TIAM2: variants seen among roughly 807,000 people sequenced by gnomAD.
TIAM2 encodes the protein TIAM Rac1 associated GEF 2.
In TIAM2, 80 loss-of-function variants were observed where a neutral mutation model predicts 152.9. The ratio of observed to expected loss-of-function variants is 0.52; its 90% CI spans 0.44 to 0.63. The LOEUF is 0.63. TIAM2 is among the 30% of genes least tolerant of loss of function. The pLI, the probability that TIAM2 is intolerant of heterozygous loss-of-function variation, is 0.00. For synonymous variants in TIAM2, 804 were observed against 838.0 expected (o/e 0.96, Z 0.70); for missense variants, 1,965 against 2,120.1 (o/e 0.93, Z 1.44).
intron 15 of TIAM2, among the ~76,000 whole-genome samples, chr6:155,221,100 C>T (rs796854235): frequency 4.3e-4 from 54 of 124,374 alleles, no homozygotes; most frequent in African/African-American, 1.7e-3. Flanking sequence ...AGACTTTTCT[C>T]TTTCATCTTG....
chr6:155,149,503 G>T (rs1398927296), intron 7 of TIAM2, among the ~76,000 whole-genome samples: 1 of 152,202 alleles, frequency 6.6e-6, no homozygotes, highest in East Asian at 1.9e-4. Context: ...TTTAGACATA[G>T]TGTGACTTAT....
At chr6:155,114,833 T>A (rs1778972198) in intron 2 of TIAM2, among the ~76,000 whole-genome samples, 1 of 152,140 alleles carries the variant, frequency 6.6e-6, no homozygotes, top group African/African-American at 2.4e-5. Flanking sequence ...TTAAATTTAA[T>A]TTTAATTTTT....
At chr6:155,000,722 C>T (rs1340903042) in intron 1 of TIAM2, among the ~76,000 whole-genome samples, 2 of 152,144 alleles carry the variant, frequency 1.3e-5, no homozygotes, top group African/African-American at 2.4e-5. Context: ...CCTTGGCTTA[C>T]GCCTATAATC....
Position 155,049,918 on chromosome 6 carries a change from T to G in TIAM2, c.-208-40371T>G, listed in dbSNP as rs574320823. On this transcript the variant is annotated intron_variant, in intron 1 of 26. Transcript: ENST00000682666. The stretch of plus-strand genomic sequence containing the variant: ...AGTTGGATAAAAGCTGAGTAGTTAT[T>G]GATAGTCTTGGCAGTAGGACTTTTG... Among the ~76,000 whole-genome samples the G allele has an allele frequency of 1.9e-3, 282 of 152,278 alleles. 1 individual carries two copies. Among genetic ancestry groups the G allele is most frequent in the African/African-American group, 6.4e-3 (265 of 41,554 alleles).
chr6:155,057,541 CTTT>C (rs71023613), intron 1 of TIAM2, among the ~76,000 whole-genome samples: 279 of 80,036 alleles, frequency 3.5e-3, no homozygotes, highest in African/African-American at 5.1e-3. Flanking sequence ...CCATAATGTA[CTTT>C]TTTTTTTTTT....
At chr6:155,046,000 C>A (rs986785124) in intron 1 of TIAM2, among the ~76,000 whole-genome samples, 2 of 151,786 alleles carry the variant, frequency 1.3e-5, no homozygotes, top group African/African-American at 4.8e-5. Flanking sequence ...GGGCAGGGCT[C>A]CTCCTGCTTG....
intron 9 of TIAM2, 126 bp from the exon 10 acceptor site, chr6:155,176,690 G>A: frequency 1.0e-6 from 1 of 958,378 alleles, no homozygotes; most frequent in Non-Finnish European, 1.5e-6. Context: ...GCTGTGAGAA[G>A]CCAGTGATGT....
chr6:155,008,683 C>T (rs967277733), intron 1 of TIAM2, among the ~76,000 whole-genome samples: 4 of 152,170 alleles, frequency 2.6e-5, no homozygotes, highest in Non-Finnish European at 4.4e-5. Flanking sequence ...TTCTCAGCAT[C>T]ACTCAGTTCT....
At chr6:155,004,754 T>G (rs1029396557) in intron 1 of TIAM2, 1 of 152,364 alleles carries the variant, frequency 6.6e-6, no homozygotes, top group Non-Finnish European at 1.5e-5. Context: ...TATTTTGAGC[T>G]TAGCTGTAGG....
rs577639765 is a variant in TIAM2 at position 155,029,656 on chromosome 6, G to T, written c.-209+34164G>T. ...ATATATAGTTATATAACTATATATA[G>T]AGTTATATAACTATATACAGAGTTA... On this transcript the variant is annotated intron_variant, in intron 1 of 26. Transcript: ENST00000682666. 1.7e-3 allele frequency among the ~76,000 whole-genome samples: 181 copies of T among 105,824 alleles called. 1 individual carries two copies. The highest frequency in any genetic ancestry group is 5.5e-3 in the African/African-American group (162 of 29,508). 69.4% of individuals were successfully genotyped at this position (105,824 alleles called of 152,430 possible).
chr6:155,196,257 A>C (rs1375836831), intron 14 of TIAM2, among the ~76,000 whole-genome samples: 2 of 152,204 alleles, frequency 1.3e-5, no homozygotes, highest in African/African-American at 2.4e-5. Context: ...TGGAGTTTCC[A>C]TCAGTTAAAA....
In TIAM2 at chr6:155,129,945, G is replaced by C; in HGVS notation, c.722G>C (p.Ser241Thr). 1 of 1,614,042 alleles carries C rather than the reference G, an allele frequency of 6.2e-7. No individual in the cohort carries two copies. The highest frequency in any genetic ancestry group is 8.5e-7 in the Non-Finnish European group (1 of 1,180,032). Reference sequence around the variant, plus strand: ...TCTCGCCTGCGGTCCAGCAAAGGCAGCTCCCTGAGTTCTGAGTCATCCTGG... The same window carrying C: ...TCTCGCCTGCGGTCCAGCAAAGGCACCTCCCTGAGTTCTGAGTCATCCTGG... Reference protein sequence around the residue: ...TDSRLRSSKGSSLSSESSWYD... With the variant: ...TDSRLRSSKGTSLSSESSWYD... The change falls in exon 4 of 27, where the codon AGC (serine) becomes ACC (threonine). Residue 241 changes from serine to threonine, a missense_variant. Ser to Thr is a moderately conservative substitution (Grantham distance 58, BLOSUM62 1). Transcript: ENST00000682666. This position sits in a 1 kb window ranked among gnomAD's most constrained non-coding sequence, Gnocchi z 4.8.
intron 1 of TIAM2, among the ~76,000 whole-genome samples, chr6:155,059,558 C>G (rs1377595167): frequency 6.6e-6 from 1 of 152,082 alleles, no homozygotes; most frequent in Non-Finnish European, 1.5e-5. Context: ...TCAGGTGATC[C>G]ACCCAGCCCG....
At position 155,140,573 on chromosome 6, in the gene TIAM2, T is replaced by TGAGAGAGA. The variant is rs57939338; in HGVS notation, c.1630+2998_1630+3005dup. Among the ~76,000 whole-genome samples the TGAGAGAGA allele has an allele frequency of 7.8e-3, 842 of 107,416 alleles. 11 individuals carry two copies. The highest frequency in any genetic ancestry group is 0.011 in the Non-Finnish European group (623 of 55,710). 70.5% of individuals were successfully genotyped at this position (107,416 alleles called of 152,430 possible). Reference sequence around the variant, plus strand: ...GTGTGTGTATGTGTGTGTGTGTGTGTGAGAGAGAGAGAGAGAGAGAGAGAG... The same window carrying TGAGAGAGA: ...GTGTGTGTATGTGTGTGTGTGTGTGTGAGAGAGAGAGAGAGAGAGAGAGAGAGAGAGAG... On this transcript the variant is annotated intron_variant, in intron 5 of 26. Coordinates refer to ENST00000682666, the MANE Select transcript of TIAM2 (RefSeq NM_012454.4).
intron 7 of TIAM2, among the ~76,000 whole-genome samples, chr6:155,163,054 AG>A (rs1368335218): frequency 6.6e-6 from 1 of 152,166 alleles, no homozygotes; most frequent in African/African-American, 2.4e-5. Context: ...GAGAGACTGG[AG>A]GGGGCAGAGT....
chr6:155,188,128 G>A (rs971390466), intron 14 of TIAM2, among the ~76,000 whole-genome samples: 6 of 152,208 alleles, frequency 3.9e-5, no homozygotes, highest in Non-Finnish European at 7.3e-5. Flanking sequence ...TCTCTGTTGC[G>A]CATGTGTGTT....
At chr6:154,999,830 C>T (rs1332961734) in intron 1 of TIAM2, among the ~76,000 whole-genome samples, 1 of 152,040 alleles carries the variant, frequency 6.6e-6, no homozygotes, top group Non-Finnish European at 1.5e-5. Context: ...AGGTACGTGC[C>T]ACCATGCCCA....
chr6:155,122,430 G>A (rs1023390928), intron 2 of TIAM2, among the ~76,000 whole-genome samples: 2 of 148,340 alleles, frequency 1.3e-5, no homozygotes, highest in Non-Finnish European at 3.0e-5. Context: ...GGAGGGAATG[G>A]AGAATGGAAG....
intron 1 of TIAM2, among the ~76,000 whole-genome samples, chr6:154,997,134 T>C (rs1433836953): frequency 6.6e-6 from 1 of 152,226 alleles, no homozygotes; most frequent in African/African-American, 2.4e-5. Flanking sequence ...TCAGAAGTTG[T>C]TATTTCCAGA....
Sources: gnomAD v4.1 joint callset for allele counts (sites outside exome capture counted in the v4.1 genomes callset) on GRCh38, gnomAD v4.1.1 for gene constraint, Gnocchi (gnomAD v3.1) non-coding constraint, MANE v1.5 for transcripts, NCBI Gene and HGNC (gene_info 2026-07-23, HGNC 2026-07-21) for gene names.